Variants in CEP162 observed in about 807,000 individuals in gnomAD.
The protein encoded by CEP162 is centrosomal protein of 162 kDa.
A neutral mutation model predicts 169.2 loss-of-function variants in CEP162; 141 were observed. That is an observed-to-expected ratio of 0.83 (90% CI 0.73 to 0.96). The LOEUF (loss-of-function observed/expected upper bound fraction) is 0.96, where lower values mean the gene tolerates loss of function less well. Among genes scored for constraint, CEP162 ranks in the 40% least tolerant of loss-of-function variants. CEP162 has a pLI of 0.00. For synonymous variants in CEP162, 540 were observed against 526.4 expected (o/e 1.03, Z -0.35); for missense variants, 1,600 against 1,587.2 (o/e 1.01, Z -0.14).
intron 21 of CEP162, among the ~76,000 whole-genome samples, chr6:84,156,095 C>A (rs1458815089): frequency 1.3e-5 from 2 of 152,120 alleles, no homozygotes; most frequent in Non-Finnish European, 2.9e-5. Flanking sequence ...ATCAACTGAT[C>A]TTGGACAAAG....
Position 84,220,502 on chromosome 6 carries a change from G to A in CEP162, c.172+555C>T, listed in dbSNP as rs565006355. Among the ~76,000 whole-genome samples, 7 of 152,250 alleles carry A rather than the reference G, an allele frequency of 4.6e-5. No individual in the cohort carries two copies. The South Asian group carries it at 1.0e-3, about 23-fold the overall frequency. ...TAGCCAGGCATGTTGGCATGTACCT[G>A]TAGTCCCAGCTACTCAGAAAGCCGA... On this transcript the variant is annotated intron_variant, in intron 3 of 26. Coordinates refer to ENST00000403245, the MANE Select transcript of CEP162 (RefSeq NM_014895.4).
At chr6:84,205,831 A>G (rs1455920048) in intron 6 of CEP162, among the ~76,000 whole-genome samples, 1 of 150,868 alleles carries the variant, frequency 6.6e-6, no homozygotes, top group East Asian at 1.9e-4. Context: ...CCACTGTCTC[A>G]GCCCAAAATC....
In CEP162 at chr6:84,204,031, T is replaced by C. The variant is rs772880518; in HGVS notation, c.637A>G (p.Met213Val). Residue 213 changes from methionine (M) to valine (V), a missense_variant, in exon 7 of 27, where the codon ATG (methionine) becomes GTG (valine). Transcript: ENST00000403245. Reference protein sequence around the residue: ...GAPLTTKDEEMPSKENSKSEK... With the variant: ...GAPLTTKDEEVPSKENSKSEK... ...GATTTGGAATTCTCTTTGGAAGGCA[T>C]CTCTTCATCTTTAGTAGTCAACGGT... 1.2e-6 allele frequency: 2 copies of C among 1,610,806 alleles called. No homozygotes were observed. Among genetic ancestry groups the C allele is most frequent in the East Asian group, 2.2e-5 (1 of 44,646 alleles).
intron 6 of CEP162, among the ~76,000 whole-genome samples, chr6:84,204,817 T>C (rs1044922708): frequency 2.6e-5 from 4 of 151,952 alleles, no homozygotes; most frequent in Admixed American, 1.3e-4. Flanking sequence ...ATCAACAAAA[T>C]TGATAGACTG....
Position 84,195,004 on chromosome 6 carries a change from A to G in CEP162, c.907T>C (p.Leu303=), listed in dbSNP as rs772526813. 2.5e-6 allele frequency: 4 copies of G among 1,612,566 alleles called. No individual in the cohort carries two copies. Among genetic ancestry groups the G allele is most frequent in the African/African-American group, 1.3e-5 (1 of 75,002 alleles). ...HQAYCHIAHS[L]GDEDKQKIES... is the part of the protein sequence containing the mutation. ...ATTTTTTGTTTGTCTTCATCTCCCA[A>G]TGAATGGGCTATATGACAATAAGCT... Residue 303 remains leucine (L), a synonymous_variant, in exon 10 of 27, where the codon TTG becomes CTG. Coordinates refer to ENST00000403245, the MANE Select transcript of CEP162 (RefSeq NM_014895.4).
At chr6:84,161,673 AG>A in intron 20 of CEP162, 72 bp downstream of exon 20, 1 of 1,066,980 alleles carries the variant, frequency 9.4e-7, no homozygotes, top group South Asian at 1.5e-5. Context: ...CAATGACAAA[AG>A]GTTATGTACA....
At chr6:84,218,201 G>A (rs1011362946) in intron 3 of CEP162, among the ~76,000 whole-genome samples, 2 of 152,196 alleles carry the variant, frequency 1.3e-5, no homozygotes, top group African/African-American at 4.8e-5. Context: ...GGTGAACTAG[G>A]CCAGGGAGAC....
intron 9 of CEP162, among the ~76,000 whole-genome samples, chr6:84,200,527 T>G (rs1387499873): frequency 6.6e-6 from 1 of 152,210 alleles, no homozygotes; most frequent in African/African-American, 2.4e-5. Flanking sequence ...AACGTTCACC[T>G]ACAGTGCTAC....
intron 3 of CEP162, chr6:84,219,001 A>C (rs932307936): frequency 3.1e-6 from 1 of 319,152 alleles, no homozygotes; most frequent in Non-Finnish European, 6.1e-6. Flanking sequence ...CAAGAGGATG[A>C]GATAGTTTCA....
chr6:84,191,861 T>C (rs1470348192), intron 11 of CEP162, among the ~76,000 whole-genome samples: 1 of 152,186 alleles, frequency 6.6e-6, no homozygotes, highest in Non-Finnish European at 1.5e-5. Context: ...ACAAACGACA[T>C]TTCACAGCCT....
intron 21 of CEP162, among the ~76,000 whole-genome samples, chr6:84,158,921 AT>A: frequency 6.6e-6 from 1 of 151,594 alleles, no homozygotes; most frequent in South Asian, 2.1e-4. Flanking sequence ...TACAAAGTAA[AT>A]TTTTTTTAAC....
At chr6:84,209,373 CT>C (rs369112037) in intron 6 of CEP162, among the ~76,000 whole-genome samples, 13,034 of 143,322 alleles carry the variant, frequency 0.091, 832 homozygotes, top group African/African-American at 0.19. Context: ...ATTATAGCTA[CT>C]TTTTTTTTTT....
intron 25 of CEP162, among the ~76,000 whole-genome samples, chr6:84,140,877 A>T (rs2099516297): frequency 6.6e-6 from 1 of 152,100 alleles, no homozygotes; most frequent in African/African-American, 2.4e-5. Context: ...AGCAGTTCCC[A>T]GACTTTTTGG....
intron 9 of CEP162, 36 bp from the exon 10 acceptor site, chr6:84,195,111 A>G (rs959744222): frequency 1.3e-5 from 19 of 1,438,530 alleles, no homozygotes; most frequent in Non-Finnish European, 1.8e-5. Context: ...AAATAATTAC[A>G]TCACAAATAC....
At position 84,174,101 on chromosome 6, in the gene CEP162, G is replaced by C; in HGVS notation, c.2113C>G (p.Gln705Glu). ...ADPVTGEKLK[Q>E]IQKEIQEQET... ...TGTTCTTGTATTTCTTTTTGGATTT[G>C]CTTCAACTTTTCTCCAGTGACAGGA... Residue 705 changes from glutamine to glutamate, a missense_variant, in exon 16 of 27, where the codon CAA (glutamine) becomes GAA (glutamate). Transcript: ENST00000403245. 1.2e-6 allele frequency: 2 copies of C among 1,611,772 alleles called. No individual in the cohort carries two copies.
At chr6:84,156,019 A>G (rs2099523005) in intron 21 of CEP162, among the ~76,000 whole-genome samples, 1 of 152,120 alleles carries the variant, frequency 6.6e-6, no homozygotes, top group African/African-American at 2.4e-5. Context: ...CACAGTACTG[A>G]TAAAAATAGA....
intron 20 of CEP162, among the ~76,000 whole-genome samples, chr6:84,161,414 A>G (rs1195607144): frequency 6.6e-6 from 1 of 152,146 alleles, no homozygotes; most frequent in East Asian, 1.9e-4. Context: ...CCAGGCCAAG[A>G]AAACAAGTGG....
Position 84,174,148 on chromosome 6 carries a change from A to G in CEP162, c.2066T>C (p.Leu689Ser). 6.2e-7 allele frequency: 1 copy of G among 1,609,298 alleles called. No individual in the cohort carries two copies. The highest frequency in any genetic ancestry group is 8.5e-7 in the Non-Finnish European group (1 of 1,177,264). ...FEETNKKQRW[L>S]HFGEAADPVT... ...AGGATCAGCTGCTTCTCCAAAATGT[A>G]ACCACCTTTGTTTTTTGTTTGTTTC... is the stretch of plus-strand genomic sequence containing the variant. The change falls in exon 16 of 27, where the codon TTA becomes TCA. Residue 689 changes from leucine (L) to serine (S), a missense_variant. Coordinates refer to ENST00000403245, the MANE Select transcript of CEP162 (RefSeq NM_014895.4).
At chr6:84,214,933 T>C (rs1344185024) in intron 5 of CEP162, among the ~76,000 whole-genome samples, 1 of 152,202 alleles carries the variant, frequency 6.6e-6, no homozygotes, top group Non-Finnish European at 1.5e-5. Context: ...CTTCCCTTTC[T>C]GTTATTTTTT....
Sources: gnomAD v4.1 joint callset for allele counts (sites outside exome capture counted in the v4.1 genomes callset) on GRCh38, gnomAD v4.1.1 for gene constraint, MANE v1.5 for transcripts, NCBI Gene and HGNC (gene_info 2026-07-23, HGNC 2026-07-21) for gene names.